The following RABGEF1 variants were observed in gnomAD, a reference collection of about 807,000 sequenced individuals.
The protein encoded by RABGEF1 is RAB guanine nucleotide exchange factor 1, also known as rab5 GDP/GTP exchange factor.
A neutral mutation model predicts 57.3 loss-of-function variants in RABGEF1; 26 were observed. The ratio of observed to expected loss-of-function variants is 0.45; its 90% CI spans 0.33 to 0.63. The LOEUF is 0.63. Ranked by LOEUF, RABGEF1 falls within the 20% of genes least tolerant of loss-of-function variation. RABGEF1 has a pLI of 0.02. For synonymous variants in RABGEF1, 185 were observed against 210.7 expected, an observed-to-expected ratio of 0.88 and a Z score of 1.06; for missense variants, 464 against 607.6, an observed-to-expected ratio of 0.76 and a Z score of 2.48.
chr7:66,769,350 A>C (rs1806521956), intron 1 of RABGEF1, among the ~76,000 whole-genome samples: 2 of 152,146 alleles, frequency 1.3e-5, no homozygotes, highest in Non-Finnish European at 2.9e-5. Flanking sequence ...CCTTGTTTTC[A>C]TTTATGCCTG....
chr7:66,745,320 T>G (rs2129053568), intron 1 of RABGEF1, among the ~76,000 whole-genome samples: 1 of 152,336 alleles, frequency 6.6e-6, no homozygotes, highest in Non-Finnish European at 1.5e-5. Context: ...GAGCTTAATT[T>G]CTGGCATGTG....
At chr7:66,806,078 C>T (rs1788381342) in intron 8 of RABGEF1, among the ~76,000 whole-genome samples, 1 of 152,058 alleles carries the variant, frequency 6.6e-6, no homozygotes, top group Admixed American at 6.6e-5. Context: ...CTAAACTCTG[C>T]TTATTTGCTT....
chr7:66,704,677 G>C (rs138259335), intron 1 of RABGEF1, among the ~76,000 whole-genome samples: 2,266 of 152,136 alleles, frequency 0.015, 59 homozygotes, highest in East Asian at 0.092. Context: ...CGGGCGTGGT[G>C]GTGGGCGCCT....
At chr7:66,669,581 T>C in the RABGEF1 span, among the ~76,000 whole-genome samples, 1 of 152,140 alleles carries the variant, frequency 6.6e-6, no homozygotes, top group Non-Finnish European at 1.5e-5. Flanking sequence ...TAAATAATAA[T>C]AAAAACAAAT....
At chr7:66,686,590 T>C (rs1790673327) in intron 1 of RABGEF1, among the ~76,000 whole-genome samples, 1 of 152,246 alleles carries the variant, frequency 6.6e-6, no homozygotes, top group African/African-American at 2.4e-5. Flanking sequence ...TGAGTTTAAA[T>C]AATCTAGACT....
intron 1 of RABGEF1, chr7:66,768,735 G>A (rs1282449960): frequency 6.6e-6 from 1 of 152,222 alleles, no homozygotes; most frequent in Non-Finnish European, 1.5e-5. Flanking sequence ...ATGCAGCCTA[G>A]GGGTAAGCCT....
intron 1 of RABGEF1, among the ~76,000 whole-genome samples, chr7:66,684,808 G>C (rs894013188): frequency 6.6e-6 from 1 of 151,664 alleles, no homozygotes; most frequent in East Asian, 2.0e-4. Flanking sequence ...CTAATTTTTT[G>C]TATTTTTAGT....
At chr7:66,722,328 T>A (rs1394069445) in intron 2 of RABGEF1, among the ~76,000 whole-genome samples, 1 of 152,140 alleles carries the variant, frequency 6.6e-6, no homozygotes, top group Non-Finnish European at 1.5e-5. Flanking sequence ...TAATCCCAGC[T>A]ACTCAGGAGG....
At chr7:66,746,991 A>C (rs1001705333) in intron 1 of RABGEF1, among the ~76,000 whole-genome samples, 1 of 151,760 alleles carries the variant, frequency 6.6e-6, no homozygotes, top group Non-Finnish European at 1.5e-5. Context: ...ACGGGGTTTC[A>C]CCATGTTGGC....
chr7:66,737,961 A>T (rs1798202311), upstream of RABGEF1, among the ~76,000 whole-genome samples: 1 of 151,270 alleles, frequency 6.6e-6, no homozygotes, highest in Admixed American at 6.6e-5. Context: ...AGGTCACCTC[A>T]TGAGGCCGCT....
chr7:66,719,228 C>T (rs923568064), intron 2 of RABGEF1, among the ~76,000 whole-genome samples: 11 of 152,328 alleles, frequency 7.2e-5, no homozygotes, highest in Non-Finnish European at 1.2e-4. Context: ...CTCCATTCTT[C>T]CTGACCTGTA....
intron 1 of RABGEF1, among the ~76,000 whole-genome samples, chr7:66,699,517 C>A (rs1792890707): frequency 6.6e-6 from 1 of 152,108 alleles, no homozygotes; most frequent in Admixed American, 6.6e-5. Flanking sequence ...GTGGTGAAAC[C>A]CCGTCTCTAC....
In RABGEF1 at chr7:66,770,844, T is replaced by C. The variant is rs141499132; in HGVS notation, c.-17-1039T>C. On this transcript the variant is annotated intron_variant, in intron 1 of 8. Coordinates refer to ENST00000284957, the MANE Select transcript of RABGEF1 (RefSeq NM_014504.3). ...GGTGTAAAGTGATATCTCATTGTGATTTTGATTTGCATTTCCCTGATGATT... is the reference window on the plus strand; with the variant it reads ...GGTGTAAAGTGATATCTCATTGTGACTTTGATTTGCATTTCCCTGATGATT... Among the ~76,000 whole-genome samples, 941 of 152,296 alleles carry C rather than the reference T, an allele frequency of 6.2e-3. 10 individuals carry two copies. Among genetic ancestry groups the C allele is most frequent in the African/African-American group, 0.021 (878 of 41,564 alleles).
chr7:66,764,411 G>A (rs1805189706), intron 1 of RABGEF1, among the ~76,000 whole-genome samples: 1 of 152,066 alleles, frequency 6.6e-6, no homozygotes, highest in Non-Finnish European at 1.5e-5. Context: ...TATTCTGTGG[G>A]TTCTGTTTTC....
At chr7:66,738,023 G>GTTTTTTTTTT (rs958049174), upstream of RABGEF1, among the ~76,000 whole-genome samples, 1 of 129,436 alleles carries the variant, frequency 7.7e-6, no homozygotes. Flanking sequence ...TGTTTTTTTT[G>GTTTTTTTTTT]TTTTTTTTTT....
the RABGEF1 span, among the ~76,000 whole-genome samples, chr7:66,672,801 C>A: frequency 1.3e-5 from 2 of 152,272 alleles, no homozygotes; most frequent in Non-Finnish European, 2.9e-5. Flanking sequence ...AAAGGAGCCC[C>A]TGGTCAGATA....
Position 66,810,969 on chromosome 7 carries a change from A to G in RABGEF1, c.*1685A>G, listed in dbSNP as rs935998288. On this transcript the variant is annotated 3_prime_UTR_variant, in exon 9 of 9. Transcript: ENST00000284957. ...TGAGTCAGCTGGTTCCCAAGCTCGC[A>G]CAGAAGGTGATAAGTTACTATCAAA... 1.8e-4 allele frequency: 27 copies of G among 152,270 alleles called. No individual in the cohort carries two copies. Among genetic ancestry groups the G allele is most frequent in the African/African-American group, 6.3e-4 (26 of 41,474 alleles). 9.4% of individuals were successfully genotyped at this position (152,270 alleles called of 1,614,324 possible).
chr7:66,720,199 T>A (rs59794209), intron 2 of RABGEF1, among the ~76,000 whole-genome samples: 2,552 of 142,152 alleles, frequency 0.018, 22 homozygotes, highest in Admixed American at 0.029. Flanking sequence ...TTATTATTTT[T>A]TTTTTTTTTT....
At chr7:66,720,679 G>A (rs1245212401) in intron 2 of RABGEF1, among the ~76,000 whole-genome samples, 1 of 152,034 alleles carries the variant, frequency 6.6e-6, no homozygotes, top group Non-Finnish European at 1.5e-5. Flanking sequence ...ATTTAGCATA[G>A]TACTAGAGGT....
Sources: allele counts gnomAD v4.1 joint callset (sites outside exome capture counted in the v4.1 genomes callset), GRCh38; gene constraint gnomAD v4.1.1; transcripts MANE v1.5; gene names NCBI Gene and HGNC (gene_info 2026-07-23, HGNC 2026-07-21).